ADARB1: variants seen among roughly 807,000 people sequenced by gnomAD.
ADARB1 encodes the protein adenosine deaminase RNA specific B1.
Under a neutral mutation model 52.4 loss-of-function variants are expected in ADARB1, and 10 were observed. That is an observed-to-expected ratio of 0.19 (90% CI 0.12 to 0.32). ADARB1 has a LOEUF of 0.32. Ranked by LOEUF, ADARB1 falls within the 10% of genes least tolerant of loss-of-function variation. The pLI, the probability that ADARB1 is intolerant of heterozygous loss-of-function variation, is 1.00. For synonymous variants in ADARB1, 349 were observed against 371.1 expected, an observed-to-expected ratio of 0.94 and a Z score of 0.68; for missense variants, 643 against 922.3, an observed-to-expected ratio of 0.70 and a Z score of 3.92.
Position 45,176,543 on chromosome 21 carries a change from A to G in ADARB1, c.842A>G (p.Lys281Arg). ...TTCTTTGAAGGCTCGGGGAGAAACA[A>G]GAAGCTTGCCAAGGCCCGGGCTGCG... ...GQFFEGSGRNKKLAKARAAQS... is the reference protein window; with the variant it reads ...GQFFEGSGRNRKLAKARAAQS... Residue 281 changes from lysine (K) to arginine (R), a missense_variant, in exon 4 of 11, where the codon AAG (lysine) becomes AGG (arginine). By Grantham distance (26) the Lys-to-Arg change is conservative (BLOSUM62 2). Coordinates refer to ENST00000348831, the MANE Select transcript of ADARB1 (RefSeq NM_001112.4). The surrounding 1 kb of genome is among the most constrained non-coding windows in gnomAD (Gnocchi z 5.8). 1.2e-6 allele frequency: 2 copies of G among 1,614,206 alleles called. No individual in the cohort carries two copies. Among genetic ancestry groups the G allele is most frequent in the East Asian group, 2.2e-5 (1 of 44,886 alleles).
rs1255543140 is a variant in ADARB1, at chr21:45,142,472, TACTTG to T, written c.-48+13904_-48+13908del. 6.6e-6 allele frequency among the ~76,000 whole-genome samples: 1 copy of T among 152,268 alleles called. No homozygotes were observed. The highest frequency in any genetic ancestry group is 1.5e-5 in the Non-Finnish European group (1 of 68,050). On this transcript the variant is annotated intron_variant, in intron 2 of 10. Transcript: ENST00000348831. This position sits in a 1 kb window ranked among gnomAD's most constrained non-coding sequence, Gnocchi z 4.0. ...AATGTGTTTATGTAAAGAAATATGT[TACTTG>T]ACTTAATATTGTAAGGAATCTTAAT...
At chr21:45,173,618 T>C (rs950347600) in intron 3 of ADARB1, among the ~76,000 whole-genome samples, 1 of 151,688 alleles carries the variant, frequency 6.6e-6, no homozygotes, top group East Asian at 1.9e-4. Context: ...AATGATTTGA[T>C]TTTTGATATT....
chr21:45,139,933 C>CT (rs200847132), intron 2 of ADARB1, among the ~76,000 whole-genome samples: 16,387 of 83,942 alleles, frequency 0.2, 4,331 homozygotes, highest in Non-Finnish European at 0.25. Context: ...CAATAAAACT[C>CT]TTTTTTTTTT....
rs756407314 is a variant in ADARB1 at position 45,222,407 on chromosome 21, C to A, written c.*210C>A. On this transcript the variant is annotated 3_prime_UTR_variant, in exon 11 of 11. Transcript: ENST00000348831. The stretch of plus-strand genomic sequence containing the variant: ...GGGAGGGGATGGGGTGCGTCAGGGC[C>A]CAGCATCGCCGCCTGGCATCTCTCT... The A allele has an allele frequency of 5.3e-4, 690 of 1,299,286 alleles. No individual in the cohort carries two copies. The highest frequency in any genetic ancestry group is 6.6e-4 in the Non-Finnish European group (679 of 1,029,038). The allele number at this position is 1,299,286 out of a possible 1,614,324, so 80.5% of individuals were successfully genotyped here. A position where few individuals can be genotyped will look rare whatever the true frequency, so the allele number is the denominator to read the frequency against.
intron 2 of ADARB1, chr21:45,152,709 G>C (rs1287015833): frequency 4.6e-6 from 2 of 433,574 alleles, no homozygotes; most frequent in Non-Finnish European, 9.3e-6. Flanking sequence ...GAGAGGAAAG[G>C]TAATTCATTT....
intron 1 of ADARB1, among the ~76,000 whole-genome samples, chr21:45,081,379 T>C (rs563358165): frequency 1.3e-5 from 2 of 152,206 alleles, no homozygotes; most frequent in African/African-American, 2.4e-5. Context: ...GTCATTCTGT[T>C]TTTCACTTTT....
chr21:45,149,006 CTA>C (rs1475051905), intron 2 of ADARB1, among the ~76,000 whole-genome samples: 1 of 152,236 alleles, frequency 6.6e-6, no homozygotes, highest in Non-Finnish European at 1.5e-5. Context: ...TGCTGAGTCT[CTA>C]TGGCTTTCAG....
intron 1 of ADARB1, among the ~76,000 whole-genome samples, chr21:45,117,312 T>G (rs1206732332): frequency 6.6e-6 from 1 of 152,182 alleles, no homozygotes; most frequent in Non-Finnish European, 1.5e-5. Flanking sequence ...TGTGCCAGCT[T>G]TTTAGGCTTA....
Position 45,175,861 on chromosome 21 carries a change from C to T in ADARB1, c.160C>T (p.Pro54Ser). The T allele has an allele frequency of 6.2e-7, 1 of 1,613,670 alleles. No individual in the cohort carries two copies. Among genetic ancestry groups the T allele is most frequent in the Non-Finnish European group, 8.5e-7 (1 of 1,179,806 alleles). Residue 54 changes from proline (P) to serine (S), a missense_variant, in exon 4 of 11, where the codon CCC becomes TCC. By Grantham distance (74) the Pro-to-Ser change is moderately conservative (BLOSUM62 -1). This residue lies in a region of ADARB1 where 380 missense variants were observed against 446.5 expected (regional missense o/e 0.85). Transcript: ENST00000348831. ...TGGTGGTGGCCCCGGCAGAAAGCGG[C>T]CCCTGGAGGAGGGCAGCAATGGCCA... is the stretch of plus-strand genomic sequence containing the variant. ...GGGGGPGRKR[P>S]LEEGSNGHSK...
chr21:45,160,786 G>C (rs1848923177), intron 2 of ADARB1, among the ~76,000 whole-genome samples: 1 of 151,972 alleles, frequency 6.6e-6, no homozygotes, highest in African/African-American at 2.4e-5. Flanking sequence ...CTCCTTTTTT[G>C]TTCATTTCCA....
chr21:45,127,058 CTT>C (rs1380306790), intron 1 of ADARB1, among the ~76,000 whole-genome samples: 1 of 152,128 alleles, frequency 6.6e-6, no homozygotes, highest in Non-Finnish European at 1.5e-5. Context: ...CTTTGTGGCT[CTT>C]TGGATTGAGG....
In ADARB1 at chr21:45,215,182, G is replaced by T. The variant is rs113686431; in HGVS notation, c.1748-5654G>T. On this transcript the variant is annotated intron_variant, in intron 9 of 10. Transcript: ENST00000348831. ...CCTGTCTCAGCCTCCTGAGTAGCTG[G>T]GACTACAGGTGCATGCCACCATGCC... Among the ~76,000 whole-genome samples, 135 of 152,126 alleles carry T rather than the reference G, an allele frequency of 8.9e-4. 1 individual carries two copies. Among genetic ancestry groups the T allele is most frequent in the African/African-American group, 3.0e-3 (126 of 41,522 alleles).
chr21:45,134,884 G>T (rs2089276057), intron 2 of ADARB1: 3 of 522,556 alleles, frequency 5.7e-6, no homozygotes, highest in Non-Finnish European at 1.2e-5. Flanking sequence ...CACACCCCTG[G>T]CTGCCGTTGA....
chr21:45,210,497 AAAT>A (rs1350951629), intron 9 of ADARB1, among the ~76,000 whole-genome samples: 1 of 152,212 alleles, frequency 6.6e-6, no homozygotes, highest in East Asian at 1.9e-4. Context: ...AGGTTTTTAA[AAAT>A]AATAATAGTT....
chr21:45,085,017 G>A (rs751479302), intron 1 of ADARB1, among the ~76,000 whole-genome samples: 1 of 152,182 alleles, frequency 6.6e-6, no homozygotes, highest in African/African-American at 2.4e-5. Context: ...GTCAGACACA[G>A]TACCTGGTTA....
Position 45,223,531 on chromosome 21 carries a change from T to C in ADARB1, c.*1334T>C. ...GAAAGAGGAGCTGAGAGAAGTGCTCTGCCTGCCAGTGCAGTGCCCAGCTCC... is the reference window on the plus strand; with the variant it reads ...GAAAGAGGAGCTGAGAGAAGTGCTCCGCCTGCCAGTGCAGTGCCCAGCTCC... On this transcript the variant is annotated 3_prime_UTR_variant, in exon 11 of 11. Transcript: ENST00000348831. 1.0e-6 allele frequency: 1 copy of C among 985,692 alleles called. No individual in the cohort carries two copies. Among genetic ancestry groups the C allele is most frequent in the Non-Finnish European group, 1.2e-6 (1 of 830,122 alleles). The allele number at this position is 985,692 out of a possible 1,614,324, so 61.1% of individuals were successfully genotyped here.
chr21:45,188,556 G>A (rs73907267), intron 8 of ADARB1, among the ~76,000 whole-genome samples: 2,402 of 151,260 alleles, frequency 0.016, 67 homozygotes, highest in African/African-American at 0.052. Context: ...TTTCACTTTC[G>A]GCCTATGTAT....
rs1313288864 is a variant in ADARB1 at position 45,200,540 on chromosome 21, T to C, written c.1566-4015T>C. Among the ~76,000 whole-genome samples, 1 of 152,090 alleles carries C rather than the reference T, an allele frequency of 6.6e-6. No homozygotes were observed. The highest frequency in any genetic ancestry group is 1.5e-5 in the Non-Finnish European group (1 of 68,010). On this transcript the variant is annotated intron_variant, in intron 8 of 10. Coordinates refer to ENST00000348831, the MANE Select transcript of ADARB1 (RefSeq NM_001112.4). This position sits in a 1 kb window ranked among gnomAD's most constrained non-coding sequence, Gnocchi z 5.0. Reference sequence around the variant, plus strand: ...TGGCAAGGGGGCCAGAGCACTGTGTTGGGCAGACTCAAAGGCACGCACAGG... The same window carrying C: ...TGGCAAGGGGGCCAGAGCACTGTGTCGGGCAGACTCAAAGGCACGCACAGG...
chr21:45,155,779 C>CAT (rs1669866015), intron 2 of ADARB1, among the ~76,000 whole-genome samples: 1 of 17,182 alleles, frequency 5.8e-5, no homozygotes, highest in African/African-American at 3.1e-4. Context: ...ATCCATCCAT[C>CAT]CACCCACCCA....
Sources: allele counts gnomAD v4.1 joint callset (sites outside exome capture counted in the v4.1 genomes callset), GRCh38; gene constraint gnomAD v4.1.1; regional missense constraint gnomAD v4.1.1; non-coding constraint Gnocchi (gnomAD v3.1); transcripts MANE v1.5; gene names NCBI Gene and HGNC (gene_info 2026-07-23, HGNC 2026-07-21).